Variants in MAGI2 observed in about 807,000 individuals in gnomAD.
The protein encoded by MAGI2 is membrane associated guanylate kinase, WW and PDZ domain containing 2.
Under a neutral mutation model 133.3 loss-of-function variants are expected in MAGI2, and 35 were observed. The ratio of observed to expected loss-of-function variants is 0.26; its 90% CI spans 0.20 to 0.35. The LOEUF is 0.35. MAGI2 is among the 10% of genes least tolerant of loss of function. MAGI2 has a pLI of 1.00. For synonymous variants in MAGI2, 729 were observed against 710.6 expected (o/e 1.03, Z -0.41); for missense variants, 1,636 against 1,863.4 (o/e 0.88, Z 2.25).
chr7:78,742,283 G>A (rs372869788), intron 2 of MAGI2, among the ~76,000 whole-genome samples: 12 of 152,032 alleles, frequency 7.9e-5, no homozygotes, highest in Admixed American at 3.9e-4. Flanking sequence ...TCCTCCAGCT[G>A]GGACTACACT....
At chr7:78,981,457 T>A (rs1298108461) in intron 2 of MAGI2, among the ~76,000 whole-genome samples, 1 of 151,850 alleles carries the variant, frequency 6.6e-6, no homozygotes, top group Non-Finnish European at 1.5e-5. Context: ...TTTTCTGATT[T>A]CAATCTATGT....
chr7:78,587,869 A>G (rs1434929167), intron 3 of MAGI2, among the ~76,000 whole-genome samples: 1 of 152,238 alleles, frequency 6.6e-6, no homozygotes, highest in East Asian at 1.9e-4. Flanking sequence ...AAAGGTATAA[A>G]TAAAATGGGT....
chr7:79,169,842 G>T (rs1825341816), intron 1 of MAGI2, among the ~76,000 whole-genome samples: 1 of 151,972 alleles, frequency 6.6e-6, no homozygotes, highest in African/African-American at 2.4e-5. Flanking sequence ...TGCAGGAGGG[G>T]TGATTAGCTT....
chr7:78,506,630 A>C (rs1293857309), intron 4 of MAGI2, among the ~76,000 whole-genome samples: 2 of 152,226 alleles, frequency 1.3e-5, no homozygotes, highest in Non-Finnish European at 2.9e-5. Flanking sequence ...GGTGTTGAAG[A>C]CAAGACACTT....
intron 1 of MAGI2, among the ~76,000 whole-genome samples, chr7:79,385,975 T>TA (rs1844152748): frequency 6.6e-6 from 1 of 152,020 alleles, no homozygotes; most frequent in Admixed American, 6.6e-5. Flanking sequence ...TTTATTTTTT[T>TA]AAAAGACACT....
intron 10 of MAGI2, among the ~76,000 whole-genome samples, chr7:78,239,696 C>T (rs991714573): frequency 6.6e-6 from 1 of 152,186 alleles, no homozygotes; most frequent in African/African-American, 2.4e-5. Flanking sequence ...CAAATCAAAA[C>T]CACAAGGCAG....
At chr7:78,263,830 C>T (rs1022867420) in intron 9 of MAGI2, among the ~76,000 whole-genome samples, 9 of 152,136 alleles carry the variant, frequency 5.9e-5, no homozygotes, top group African/African-American at 9.7e-5. Context: ...GCTCTCAGTT[C>T]ACATTTTCAT....
chr7:78,363,797 C>G (rs977820296), intron 7 of MAGI2, among the ~76,000 whole-genome samples: 1 of 152,038 alleles, frequency 6.6e-6, no homozygotes, highest in Admixed American at 6.6e-5. Context: ...GGAATAAGAC[C>G]GCTTAGGTTC....
chr7:79,318,068 G>A (rs954896), intron 1 of MAGI2, among the ~76,000 whole-genome samples: 2,470 of 152,028 alleles, frequency 0.016, 55 homozygotes, highest in African/African-American at 0.058. Flanking sequence ...CTCTTACACC[G>A]AAAAGGTAGC....
Position 78,826,388 on chromosome 7 carries a change from T to TA in MAGI2, c.418+180701dup, listed in dbSNP as rs565314068. ...AAAAAAAAAAGAGTATATTAATAAG[T>TA]AAAAAAGAAAACAGTGTAACAAAGC... On this transcript the variant is annotated intron_variant, in intron 2 of 21. Transcript: ENST00000354212. Among the ~76,000 whole-genome samples the TA allele has an allele frequency of 1.1e-3, 166 of 147,872 alleles. 1 individual carries two copies. In the South Asian group the frequency reaches 0.033, roughly 30 times the overall value.
chr7:78,567,706 T>C (rs575558629), intron 3 of MAGI2, among the ~76,000 whole-genome samples: 1 of 152,318 alleles, frequency 6.6e-6, no homozygotes, highest in Non-Finnish European at 1.5e-5. Flanking sequence ...CTCTCTTTAC[T>C]GGATCATTTC....
intron 2 of MAGI2, among the ~76,000 whole-genome samples, chr7:78,801,967 T>C (rs1045120667): frequency 8.5e-5 from 13 of 152,264 alleles, no homozygotes; most frequent in African/African-American, 3.1e-4. Flanking sequence ...GCAGAGAATA[T>C]CTGCAACTAA....
At chr7:79,304,334 G>A (rs1246880392) in intron 1 of MAGI2, among the ~76,000 whole-genome samples, 1 of 151,756 alleles carries the variant, frequency 6.6e-6, no homozygotes, top group Non-Finnish European at 1.5e-5. Flanking sequence ...TGGAAGCTGG[G>A]AGAGGCGGGA....
intron 9 of MAGI2, among the ~76,000 whole-genome samples, chr7:78,340,230 T>C (rs1300464768): frequency 6.6e-6 from 1 of 152,196 alleles, no homozygotes; most frequent in African/African-American, 2.4e-5. Flanking sequence ...CCTTTAGAGA[T>C]ATAGTTATTG....
At chr7:79,150,572 A>G (rs1823114287) in intron 1 of MAGI2, among the ~76,000 whole-genome samples, 1 of 152,186 alleles carries the variant, frequency 6.6e-6, no homozygotes, top group African/African-American at 2.4e-5. Context: ...TAATCACATA[A>G]ATAATGTGTT....
At chr7:79,348,562 T>C (rs1237138329) in intron 1 of MAGI2, among the ~76,000 whole-genome samples, 2 of 151,950 alleles carry the variant, frequency 1.3e-5, no homozygotes, top group Non-Finnish European at 2.9e-5. Flanking sequence ...TTGCCTTGCA[T>C]GTAAGTGCTC....
intron 6 of MAGI2, among the ~76,000 whole-genome samples, chr7:78,435,750 G>C: frequency 6.6e-6 from 1 of 152,082 alleles, no homozygotes. Flanking sequence ...AGGTACATTT[G>C]CCTCAACCAG....
chr7:78,217,256 G>A (rs977886458), intron 10 of MAGI2, among the ~76,000 whole-genome samples: 1 of 152,074 alleles, frequency 6.6e-6, no homozygotes, highest in Admixed American at 6.5e-5. Flanking sequence ...CAAAGTTTTT[G>A]CATCTGTTAC....
At chr7:79,351,068 G>T (rs372846279) in intron 1 of MAGI2, among the ~76,000 whole-genome samples, 1 of 152,178 alleles carries the variant, frequency 6.6e-6, no homozygotes, top group African/African-American at 2.4e-5. Flanking sequence ...AAATGAAACC[G>T]TTAGTTTGAT....
Sources: allele counts gnomAD v4.1 joint callset (sites outside exome capture counted in the v4.1 genomes callset), GRCh38; gene constraint gnomAD v4.1.1; transcripts MANE v1.5; gene names NCBI Gene and HGNC (gene_info 2026-07-23, HGNC 2026-07-21).